The following EPS15L1 variants were observed in gnomAD, a reference collection of about 807,000 sequenced individuals.
EPS15L1 encodes the protein epidermal growth factor receptor pathway substrate 15 like 1.
Under a neutral mutation model 117.1 loss-of-function variants are expected in EPS15L1, and 43 were observed. That is an observed-to-expected ratio of 0.37 (90% CI 0.29 to 0.47). EPS15L1 has a LOEUF of 0.47. Among genes scored for constraint, EPS15L1 ranks in the 20% least tolerant of loss-of-function variants. EPS15L1 has a pLI of 0.99. For missense variants in EPS15L1, 981 were observed against 1,164.0 expected (o/e 0.84, Z 2.29); for synonymous variants, 459 against 470.5 (o/e 0.98, Z 0.32).
In EPS15L1 at chr19:16,356,269, C is replaced by T. The variant is rs376620925; in HGVS notation, c.2587-418G>A. ...TGTGGTATTTCTACCTCCAGCCATGCTCCAGAGAGCTCTGAGACCCTCTGA... is the reference window on the plus strand; with the variant it reads ...TGTGGTATTTCTACCTCCAGCCATGTTCCAGAGAGCTCTGAGACCCTCTGA... On this transcript the variant is annotated intron_variant, in intron 23 of 23. Transcript: ENST00000455140. The T allele has an allele frequency of 5.7e-5, 11 of 194,006 alleles. 1 individual carries two copies. Among genetic ancestry groups the T allele is most frequent in the African/African-American group, 2.1e-4 (9 of 43,318 alleles). 12.0% of individuals were successfully genotyped at this position (194,006 alleles called of 1,614,324 possible). A position where few individuals can be genotyped will look rare whatever the true frequency, so the allele number is the denominator to read the frequency against.
chr19:16,393,608 C>G (rs1340365664), intron 18 of EPS15L1, among the ~76,000 whole-genome samples: 2 of 146,488 alleles, frequency 1.4e-5, no homozygotes, highest in Non-Finnish European at 3.0e-5. Flanking sequence ...GAGATCGCGC[C>G]ACTGCACTCC....
At chr19:16,440,792 G>C (rs1278559557) in intron 4 of EPS15L1, 70 bp downstream of exon 4, 6 of 1,376,340 alleles carry the variant, frequency 4.4e-6, no homozygotes, top group Non-Finnish European at 6.2e-6. Flanking sequence ...TGTGGAAGGA[G>C]CCGTGGAGGT....
intron 7 of EPS15L1, among the ~76,000 whole-genome samples, chr19:16,432,868 T>C (rs1265432115): frequency 2.0e-5 from 3 of 152,142 alleles, no homozygotes; most frequent in African/African-American, 4.8e-5. Flanking sequence ...CATGGCACGA[T>C]CTCAGCTTAT....
At chr19:16,460,313 C>G (rs1447023545) in intron 1 of EPS15L1, among the ~76,000 whole-genome samples, 10 of 152,114 alleles carry the variant, frequency 6.6e-5, no homozygotes, top group Non-Finnish European at 1.3e-4. Flanking sequence ...CACCAATTCT[C>G]TTAGTCTCAG....
chr19:16,447,658 G>A (rs1223382949), intron 1 of EPS15L1, among the ~76,000 whole-genome samples: 1 of 152,012 alleles, frequency 6.6e-6, no homozygotes. Flanking sequence ...TACTCAGGAG[G>A]CTGAGGCAGG....
At chr19:16,393,486 A>G (rs189291004) in intron 18 of EPS15L1, among the ~76,000 whole-genome samples, 9,494 of 151,524 alleles carry the variant, frequency 0.063, 435 homozygotes, top group Middle Eastern at 0.12. Flanking sequence ...CGTCTCTACT[A>G]AAAATACAAA....
chr19:16,433,302 A>AT (rs558476301), intron 7 of EPS15L1, among the ~76,000 whole-genome samples: 233 of 148,048 alleles, frequency 1.6e-3, no homozygotes, highest in Non-Finnish European at 2.7e-3. Context: ...TAATTTTTGT[A>AT]TTTTTTTTTA....
intron 22 of EPS15L1, among the ~76,000 whole-genome samples, chr19:16,375,287 A>G (rs2092280268): frequency 6.6e-6 from 1 of 152,184 alleles, no homozygotes; most frequent in African/African-American, 2.4e-5. Context: ...TTCATGTGCA[A>G]ACAGGTGCAT....
intron 1 of EPS15L1, among the ~76,000 whole-genome samples, chr19:16,458,970 C>T (rs1398158868): frequency 6.6e-6 from 1 of 152,194 alleles, no homozygotes; most frequent in Non-Finnish European, 1.5e-5. Flanking sequence ...TAGAAGGCAG[C>T]GCCTGCTCCA....
intron 9 of EPS15L1, among the ~76,000 whole-genome samples, chr19:16,424,341 G>A (rs926041852): frequency 1.4e-5 from 2 of 142,486 alleles, no homozygotes; most frequent in Non-Finnish European, 3.1e-5. Flanking sequence ...CACCCCACCA[G>A]GGGCCACTGG....
At chr19:16,403,708 G>A in intron 15 of EPS15L1, 25 bp downstream of exon 15, 1 of 1,598,070 alleles carries the variant, frequency 6.3e-7, no homozygotes, top group Non-Finnish European at 8.5e-7. Context: ...CTGGCATGTG[G>A]CAGGGACCCG....
chr19:16,381,055 C>T lies in EPS15L1; in HGVS notation c.2248-3801G>A, dbSNP rs2092356750. 6.6e-6 allele frequency among the ~76,000 whole-genome samples: 1 copy of T among 152,218 alleles called. No individual in the cohort carries two copies. The highest frequency in any genetic ancestry group is 1.5e-5 in the Non-Finnish European group (1 of 68,034). On this transcript the variant is annotated intron_variant, in intron 21 of 23. Transcript: ENST00000455140. The surrounding 1 kb of genome is among the most constrained non-coding windows in gnomAD (Gnocchi z 4.2). ...CCCGATAAGGGCAGTGGCAGGTGCC[C>T]CCAGGGAGGGGAAGGGGCCCCAAAG...
At chr19:16,442,308 A>G in intron 1 of EPS15L1, 89 bp from the exon 2 acceptor site, 1 of 946,480 alleles carries the variant, frequency 1.1e-6, no homozygotes. Context: ...TCATGACCAA[A>G]ATATATGATG....
intron 21 of EPS15L1, chr19:16,384,232 C>T (rs1392170560): frequency 6.6e-6 from 1 of 152,242 alleles, no homozygotes; most frequent in South Asian, 2.1e-4. Flanking sequence ...AGAGTGGACG[C>T]AGGTGTCAGG....
chr19:16,391,703 G>A (rs563892915), intron 19 of EPS15L1, among the ~76,000 whole-genome samples: 17 of 149,894 alleles, frequency 1.1e-4, no homozygotes, highest in African/African-American at 2.0e-4. Flanking sequence ...CAAAATACCC[G>A]GTGTCTGCCA....
chr19:16,397,298 C>G (rs1009940681), intron 16 of EPS15L1, among the ~76,000 whole-genome samples: 1 of 152,146 alleles, frequency 6.6e-6, no homozygotes, highest in Non-Finnish European at 1.5e-5. Flanking sequence ...CCATGTTGGG[C>G]AGGCCAGTCT....
Position 16,393,959 on chromosome 19 carries a change from G to C in EPS15L1, c.1958C>G (p.Thr653Ser). 6.2e-7 allele frequency: 1 copy of C among 1,614,078 alleles called. No homozygotes were observed. Among genetic ancestry groups the C allele is most frequent in the Non-Finnish European group, 8.5e-7 (1 of 1,179,946 alleles). ...GAAACACTGAATTTTACCTGTTGAA[G>C]TTGTCTGCTGTTCTGCAAAGGGGTC... ...QNDPFAEQQTTSTDPFGGDPF... is the reference protein window; with the variant it reads ...QNDPFAEQQTSSTDPFGGDPF... The change falls in exon 18 of 24, where the codon ACT (threonine) becomes AGT (serine). Residue 653 changes from threonine (T) to serine (S), a missense_variant. Around this residue, in one of 5 missense-constraint regions of EPS15L1, gnomAD observed 819 missense variants for 949.0 expected, o/e 0.86. Coordinates refer to ENST00000455140, the MANE Select transcript of EPS15L1 (RefSeq NM_001258374.3).
At chr19:16,435,839 T>G (rs2092972999) in intron 6 of EPS15L1, among the ~76,000 whole-genome samples, 1 of 152,178 alleles carries the variant, frequency 6.6e-6, no homozygotes, top group Non-Finnish European at 1.5e-5. Flanking sequence ...TCTGGTCCTG[T>G]GCTCCCTGAC....
intron 16 of EPS15L1, among the ~76,000 whole-genome samples, chr19:16,397,150 C>T (rs2092549066): frequency 6.6e-6 from 1 of 151,636 alleles, no homozygotes; most frequent in African/African-American, 2.4e-5. Flanking sequence ...AGTGCAGTGG[C>T]GTGATCTCGG....
Sources: gnomAD v4.1 joint callset for allele counts (sites outside exome capture counted in the v4.1 genomes callset) on GRCh38, gnomAD v4.1.1 for gene constraint, gnomAD v4.1.1 regional missense constraint, Gnocchi (gnomAD v3.1) non-coding constraint, MANE v1.5 for transcripts, NCBI Gene and HGNC (gene_info 2026-07-23, HGNC 2026-07-21) for gene names.